PALM2AKAP2: variants seen among roughly 807,000 people sequenced by gnomAD.
PALM2AKAP2 encodes the protein PALM2 and AKAP2 fusion.
Under a neutral mutation model 71.5 loss-of-function variants are expected in PALM2AKAP2, and 37 were observed. That is an observed-to-expected ratio of 0.52 (90% confidence interval 0.40 to 0.68). The LOEUF is 0.68. PALM2AKAP2 is among the 30% of genes least tolerant of loss of function. The pLI is 0.00. For synonymous variants in PALM2AKAP2, 468 were observed against 478.8 expected (o/e 0.98, Z 0.29); for missense variants, 1,224 against 1,191.8 (o/e 1.03, Z -0.40).
At chr9:109,710,940 A>G (rs558783343) in intron 1 of PALM2AKAP2, among the ~76,000 whole-genome samples, 11 of 148,536 alleles carry the variant, frequency 7.4e-5, no homozygotes, top group South Asian at 2.2e-4. Flanking sequence ...TGTTTCTCCA[A>G]CGTGGCCACA....
chr9:110,003,173 C>T (rs1020184850), intron 6 of PALM2AKAP2, among the ~76,000 whole-genome samples: 1 of 152,044 alleles, frequency 6.6e-6, no homozygotes, highest in Non-Finnish European at 1.5e-5. Flanking sequence ...GCATTTAGTG[C>T]TATAAATTTC....
rs994621645 is a variant in PALM2AKAP2, at chr9:110,142,068, C to CTTTTTTT, written c.2569+3544_2569+3550dup. ...AATTATCTTGTTGGTTCTTATTTTA[C>CTTTTTTT]TTTTTTTTTTTTTTTTTTTTTGAGG... On this transcript the variant is annotated intron_variant, in intron 2 of 3. Transcript: ENST00000374525. Among the ~76,000 whole-genome samples, 2 of 121,842 alleles carry CTTTTTTT rather than the reference C, an allele frequency of 1.6e-5. 1 individual carries two copies. Among genetic ancestry groups the CTTTTTTT allele is most frequent in the African/African-American group, 6.0e-5 (2 of 33,168 alleles). The allele number at this position is 121,842 out of a possible 152,430, so 79.9% of individuals were successfully genotyped here. A position where few individuals can be genotyped will look rare whatever the true frequency, so the allele number is the denominator to read the frequency against.
intron 1 of PALM2AKAP2, among the ~76,000 whole-genome samples, chr9:109,744,736 C>A (rs146488544): frequency 6.2e-4 from 94 of 152,266 alleles, no homozygotes; most frequent in African/African-American, 2.2e-3. Context: ...CAGATGTTCT[C>A]ATAGTAACAT....
At chr9:110,168,078 G>A (rs1034851075) in intron 3 of PALM2AKAP2, among the ~76,000 whole-genome samples, 4 of 152,192 alleles carry the variant, frequency 2.6e-5, no homozygotes, top group Admixed American at 1.3e-4. Context: ...GATCTGCTGC[G>A]TGTAGGGATC....
chr9:109,673,465 A>G (rs1827604940), intron 1 of PALM2AKAP2, among the ~76,000 whole-genome samples: 1 of 152,062 alleles, frequency 6.6e-6, no homozygotes, highest in African/African-American at 2.4e-5. Flanking sequence ...GTAGTCTGAG[A>G]GACTGTTACG....
At chr9:109,865,908 C>T (rs1023767940) in intron 1 of PALM2AKAP2, among the ~76,000 whole-genome samples, 2 of 152,186 alleles carry the variant, frequency 1.3e-5, no homozygotes, top group African/African-American at 4.8e-5. Context: ...GCTGTTCCCA[C>T]TGTGCCTCAC....
chr9:109,951,470 G>T (rs1831640086), intron 6 of PALM2AKAP2, among the ~76,000 whole-genome samples: 1 of 152,176 alleles, frequency 6.6e-6, no homozygotes, highest in Non-Finnish European at 1.5e-5. Context: ...CCTTTTCACT[G>T]CATCTACCTC....
At chr9:109,858,107 C>A (rs549317623) in intron 1 of PALM2AKAP2, among the ~76,000 whole-genome samples, 3 of 152,338 alleles carry the variant, frequency 2.0e-5, no homozygotes, top group Admixed American at 6.5e-5. Flanking sequence ...TCATTTCAAT[C>A]CTGCAGTAGC....
exon 2 of PALM2AKAP2, chr9:110,138,084 G>T (rs1476316121): frequency 2.5e-6 from 4 of 1,611,954 alleles, no homozygotes; most frequent in African/African-American, 1.3e-5. Context: ...GCGGCTTTCG[G>T]CTCAGAAAAG....
rs1831108992 is a variant in PALM2AKAP2 at position 109,931,838 on chromosome 9, T to C, written c.395-89T>C. The C allele has an allele frequency of 4.8e-6, 7 of 1,443,656 alleles. No homozygotes were observed. The African/African-American group carries it at 5.6e-5, about 11-fold the overall frequency. The allele number at this position is 1,443,656 out of a possible 1,614,324, so 89.4% of individuals were successfully genotyped here. ...CAGTGGCCGCCTCAGCGGTCCATTATGTAGGGCAGACAAGCTGCTGTCTCG... is the reference window on the plus strand; with the variant it reads ...CAGTGGCCGCCTCAGCGGTCCATTACGTAGGGCAGACAAGCTGCTGTCTCG... On this transcript the variant is annotated intron_variant, in intron 5 of 9. Transcript: ENST00000302798.
At chr9:109,910,037 T>C (rs1830533805) in intron 3 of PALM2AKAP2, among the ~76,000 whole-genome samples, 1 of 152,156 alleles carries the variant, frequency 6.6e-6, no homozygotes, top group African/African-American at 2.4e-5. Context: ...TGCAGGCATT[T>C]AGGAGAGAGC....
chr9:110,137,444 GCAGGAAGCCAGGGCAACA>G, exon 2 of PALM2AKAP2: 22 of 1,614,126 alleles, frequency 1.4e-5, no homozygotes, highest in Non-Finnish European at 1.9e-5. Context: ...CCCATCGGCA[GCAGGAAGCCAGGGCAACA>G]CAGCCTCTCA....
rs567118966 is a variant in PALM2AKAP2, at chr9:109,657,099, A to G, written c.5+16233A>G. Among the ~76,000 whole-genome samples, 7 of 152,334 alleles carry G rather than the reference A, an allele frequency of 4.6e-5. No homozygotes were observed. The South Asian group carries it at 1.5e-3, about 32-fold the overall frequency. On this transcript the variant is annotated intron_variant, in intron 1 of 6. Transcript: ENST00000374531. The stretch of plus-strand genomic sequence containing the variant: ...ATGTATTCTCTGTAAAAGAGATGTC[A>G]GTGTATCATATTAAAGGTCAGAGAT...
At position 110,014,802 on chromosome 9, in the gene PALM2AKAP2, AAATGTATATATAT is replaced by A. The variant is rs1314956614; in HGVS notation, c.497-1150_497-1138del. On this transcript the variant is annotated intron_variant, in intron 6 of 9. Transcript: ENST00000302798. ...CTCAAAAAAAAAAAAAAAAAAAAAA[AAATGTATATATAT>A]ATATATATATATATATATATATATA... Among the ~76,000 whole-genome samples the A allele has an allele frequency of 3.4e-3, 142 of 41,456 alleles. 9 individuals are homozygous for A. The highest frequency in any genetic ancestry group is 0.02 in the African/African-American group (120 of 5,858). 27.2% of individuals were successfully genotyped at this position (41,456 alleles called of 152,430 possible).
At chr9:109,816,750 G>A (rs527932524) in intron 1 of PALM2AKAP2, among the ~76,000 whole-genome samples, 1 of 152,288 alleles carries the variant, frequency 6.6e-6, no homozygotes, top group Admixed American at 6.5e-5. Flanking sequence ...AGATCAGCTG[G>A]GGACAGAGTT....
At chr9:110,171,562 C>T (rs904257017) in exon 4 of PALM2AKAP2, 1 of 152,160 alleles carries the variant, frequency 6.6e-6, no homozygotes, top group Admixed American at 6.5e-5. Context: ...TTCAAGAAAC[C>T]TTGGGCCACC....
At chr9:109,846,999 C>G (rs1026968367) in intron 1 of PALM2AKAP2, among the ~76,000 whole-genome samples, 9 of 152,330 alleles carry the variant, frequency 5.9e-5, no homozygotes, top group African/African-American at 1.9e-4. Context: ...TTCCGTTCCA[C>G]CAGCAATGTG....
At chr9:109,727,330 C>T (rs1828491158) in intron 1 of PALM2AKAP2, among the ~76,000 whole-genome samples, 1 of 152,156 alleles carries the variant, frequency 6.6e-6, no homozygotes, top group Non-Finnish European at 1.5e-5. Flanking sequence ...CATGATTGGT[C>T]TGAAATGAGC....
At chr9:109,806,100 T>C (rs1396961687) in intron 1 of PALM2AKAP2, among the ~76,000 whole-genome samples, 1 of 152,266 alleles carries the variant, frequency 6.6e-6, no homozygotes, top group Non-Finnish European at 1.5e-5. Context: ...TTATTTTTCC[T>C]GATGCCATGG....
Sources: allele counts gnomAD v4.1 joint callset (sites outside exome capture counted in the v4.1 genomes callset), GRCh38; gene constraint gnomAD v4.1.1; transcripts MANE v1.5; gene names NCBI Gene and HGNC (gene_info 2026-07-23, HGNC 2026-07-21).